PPFIA2: variants seen among roughly 807,000 people sequenced by gnomAD.
PPFIA2 encodes liprin-alpha-2.
PPFIA2 carries 46 observed loss-of-function variants against 175.5 expected under a neutral mutation model. That is an observed-to-expected ratio of 0.26 (90% confidence interval 0.21 to 0.34). PPFIA2 has a LOEUF of 0.34. PPFIA2 is among the 10% of genes least tolerant of loss of function. The pLI is 1.00. For synonymous variants in PPFIA2, 568 were observed against 511.4 expected (o/e 1.11, Z -1.49); for missense variants, 1,179 against 1,506.1 (o/e 0.78, Z 3.60).
chr12:81,622,317 A>C (rs1370286453), intron 4 of PPFIA2, among the ~76,000 whole-genome samples: 10 of 152,216 alleles, frequency 6.6e-5, no homozygotes, highest in Admixed American at 6.5e-4. Flanking sequence ...TACAGGGCTC[A>C]ATAGCAATAC....
chr12:81,602,550 C>A (rs961933295), intron 4 of PPFIA2, among the ~76,000 whole-genome samples: 1 of 151,754 alleles, frequency 6.6e-6, no homozygotes, highest in Non-Finnish European at 1.5e-5. Context: ...CATTAAATAC[C>A]TTGATTAAAT....
intron 24 of PPFIA2, among the ~76,000 whole-genome samples, chr12:81,287,896 T>C (rs754593729): frequency 2.6e-5 from 4 of 151,810 alleles, no homozygotes; most frequent in Non-Finnish European, 4.4e-5. Flanking sequence ...AAATATTGTA[T>C]AACTTGGTTG....
At chr12:81,466,331 C>T (rs2055620343) in intron 4 of PPFIA2, among the ~76,000 whole-genome samples, 1 of 152,074 alleles carries the variant, frequency 6.6e-6, no homozygotes, top group South Asian at 2.1e-4. Context: ...GGGATGCAAG[C>T]CTATTTAAAA....
chr12:81,392,735 T>A (rs1238134545), intron 8 of PPFIA2, among the ~76,000 whole-genome samples: 1 of 152,016 alleles, frequency 6.6e-6, no homozygotes, highest in Non-Finnish European at 1.5e-5. Context: ...AAACAGACTT[T>A]CCAAACTCAA....
chr12:81,303,868 T>C (rs1241864271), intron 22 of PPFIA2, among the ~76,000 whole-genome samples: 1 of 152,198 alleles, frequency 6.6e-6, no homozygotes, highest in African/African-American at 2.4e-5. Flanking sequence ...TTCCAACTTT[T>C]AATGCAGACT....
At chr12:81,374,916 T>C (rs1251099496) in intron 10 of PPFIA2, 148 bp from the exon 11 acceptor site, 1 of 700,920 alleles carries the variant, frequency 1.4e-6, no homozygotes, top group Admixed American at 3.1e-5. Flanking sequence ...ATTGTTGTCT[T>C]GTTATCATAT....
At chr12:81,431,710 G>C (rs1167440524) in intron 7 of PPFIA2, among the ~76,000 whole-genome samples, 7 of 152,034 alleles carry the variant, frequency 4.6e-5, no homozygotes, top group Admixed American at 3.9e-4. Flanking sequence ...CTTAAACACA[G>C]TACCTTGACC....
At chr12:81,728,576 T>A (rs1345148951) in intron 3 of PPFIA2, among the ~76,000 whole-genome samples, 4 of 151,486 alleles carry the variant, frequency 2.6e-5, no homozygotes, top group Non-Finnish European at 5.9e-5. Context: ...TAATAAAAAC[T>A]ATAGTTTGTT....
intron 29 of PPFIA2, chr12:81,267,345 C>G: frequency 2.5e-6 from 1 of 392,442 alleles, no homozygotes; most frequent in South Asian, 1.9e-5. Context: ...AAAAGTGAAA[C>G]GAGACTGCCA....
chr12:81,313,513 A>C (rs1472037354), intron 22 of PPFIA2, among the ~76,000 whole-genome samples: 1 of 152,072 alleles, frequency 6.6e-6, no homozygotes, highest in East Asian at 1.9e-4. Flanking sequence ...GAAACTCCTT[A>C]GATTTTCACA....
intron 4 of PPFIA2, among the ~76,000 whole-genome samples, chr12:81,668,154 G>C (rs2070717863): frequency 6.6e-6 from 1 of 152,006 alleles, no homozygotes; most frequent in Non-Finnish European, 1.5e-5. Flanking sequence ...TCACATTTCA[G>C]TTTATATTCT....
chr12:81,367,157 T>C lies in PPFIA2; in HGVS notation c.1496A>G (p.Gln499Arg). 2.1e-6 allele frequency: 3 copies of C among 1,421,282 alleles called. No individual in the cohort carries two copies. The highest frequency in any genetic ancestry group is 3.7e-4 in the Middle Eastern group (2 of 5,412). The allele number at this position is 1,421,282 out of a possible 1,614,324, so 88.0% of individuals were successfully genotyped here. Residue 499 changes from glutamine (Q) to arginine (R), a missense_variant, in exon 14 of 33, where the codon CAA (glutamine) becomes CGA (arginine). This residue lies in a region of PPFIA2 where 66 missense variants were observed against 129.4 expected (regional missense o/e 0.51). Transcript: ENST00000549396. Reference sequence around the variant, plus strand: ...ATTCTTTCTGAAAGTTTCTGATTCTTGAATTAAAACATTCTAAAGAAAAGA... The same window carrying C: ...ATTCTTTCTGAAAGTTTCTGATTCTCGAATTAAAACATTCTAAAGAAAAGA... ...AALEEKNVLIQESETFRKNLE... is the reference protein window; with the variant it reads ...AALEEKNVLIRESETFRKNLE...
intron 28 of PPFIA2, 93 bp from the exon 29 acceptor site, chr12:81,268,180 C>T (rs2037953324): frequency 1.9e-6 from 2 of 1,033,348 alleles, no homozygotes; most frequent in Admixed American, 2.9e-5. Flanking sequence ...GCTCTGTCGC[C>T]CAGGCTGGAG....
intron 4 of PPFIA2, among the ~76,000 whole-genome samples, chr12:81,516,741 A>T (rs1008074264): frequency 6.6e-6 from 1 of 152,218 alleles, no homozygotes; most frequent in Non-Finnish European, 1.5e-5. Context: ...TAGCATCCAG[A>T]CTGTGAGATA....
At chr12:81,696,189 G>A (rs112169959) in intron 3 of PPFIA2, among the ~76,000 whole-genome samples, 3 of 152,138 alleles carry the variant, frequency 2.0e-5, no homozygotes, top group African/African-American at 7.2e-5. Context: ...TGATTCTTGG[G>A]AAGGTAAATG....
intron 3 of PPFIA2, among the ~76,000 whole-genome samples, chr12:81,740,391 GC>G (rs950206440): frequency 6.6e-5 from 10 of 152,138 alleles, no homozygotes; most frequent in Non-Finnish European, 1.5e-4. Context: ...GAGCCAGGCA[GC>G]CTTAGCTAAT....
chr12:81,535,552 T>C, intron 4 of PPFIA2: 6 of 440,116 alleles, frequency 1.4e-5, no homozygotes, highest in South Asian at 8.1e-5. Flanking sequence ...CAAAAATACA[T>C]ACATTTCTCT....
At chr12:81,539,870 G>A (rs1004683936) in intron 4 of PPFIA2, among the ~76,000 whole-genome samples, 1 of 151,888 alleles carries the variant, frequency 6.6e-6, no homozygotes, top group Non-Finnish European at 1.5e-5. Flanking sequence ...TTGCTGTTAG[G>A]TGTGATTGCT....
chr12:81,726,554 A>G (rs2080102778), intron 3 of PPFIA2, among the ~76,000 whole-genome samples: 1 of 151,264 alleles, frequency 6.6e-6, no homozygotes, highest in Non-Finnish European at 1.5e-5. Flanking sequence ...TAAGTTTGGG[A>G]ATGTTCATAG....
Sources: allele counts gnomAD v4.1 joint callset (sites outside exome capture counted in the v4.1 genomes callset), GRCh38; gene constraint gnomAD v4.1.1; regional missense constraint gnomAD v4.1.1; transcripts MANE v1.5; gene names NCBI Gene and HGNC (gene_info 2026-07-23, HGNC 2026-07-21).